Variants in AQR observed in about 807,000 individuals in gnomAD.
AQR encodes the protein RNA helicase aquarius.
AQR carries 61 observed loss-of-function variants against 180.5 expected under a neutral mutation model. The ratio of observed to expected loss-of-function variants is 0.34; its 90% CI spans 0.28 to 0.42. The LOEUF is 0.42. Among genes scored for constraint, AQR ranks in the 10% least tolerant of loss-of-function variants. AQR has a pLI of 1.00. For synonymous variants in AQR, 551 were observed against 588.8 expected (o/e 0.94, Z 0.93); for missense variants, 1,281 against 1,798.3 (o/e 0.71, Z 5.20).
At chr15:34,954,830 A>G (rs909984193) in intron 3 of AQR, among the ~76,000 whole-genome samples, 7 of 152,208 alleles carry the variant, frequency 4.6e-5, no homozygotes, top group East Asian at 1.9e-4. Flanking sequence ...AATTTTAAAG[A>G]TAAGTATGGA....
intron 12 of AQR, among the ~76,000 whole-genome samples, chr15:34,927,536 CA>C (rs1011067158): frequency 6.6e-6 from 1 of 152,124 alleles, no homozygotes; most frequent in African/African-American, 2.4e-5. Flanking sequence ...AAGGAGAGAC[CA>C]AAAAACTTAT....
rs754623254 is a variant in AQR, at chr15:34,927,083, G to A, written c.1070C>T (p.Ala357Val). 9 of 1,596,336 alleles carry A rather than the reference G, an allele frequency of 5.6e-6. No individual in the cohort carries two copies. The highest frequency in any genetic ancestry group is 7.7e-6 in the Non-Finnish European group (9 of 1,170,954). The change falls in exon 13 of 35, where the codon GCA (alanine) becomes GTA (valine). Residue 357 changes from alanine to valine, a missense_variant. Physicochemically the swap from Ala to Val is moderately conservative, Grantham distance 64. Around this residue, in one of 9 missense-constraint regions of AQR, gnomAD observed 404 missense variants for 490.9 expected, o/e 0.82. Coordinates refer to ENST00000156471, the MANE Select transcript of AQR (RefSeq NM_014691.3). ...ELYDFALSNV[A>V]EVDTRESLVK... Reference sequence around the variant, plus strand: ...CAAGGACTCCCGAGTATCTACTTCTGCCACATTTGAGAGGGCAAAATCATA... The same window carrying A: ...CAAGGACTCCCGAGTATCTACTTCTACCACATTTGAGAGGGCAAAATCATA...
chr15:34,872,358 C>T (rs1302275167), intron 30 of AQR, among the ~76,000 whole-genome samples: 2 of 152,036 alleles, frequency 1.3e-5, no homozygotes, highest in East Asian at 1.9e-4. Flanking sequence ...TTAATAGTGG[C>T]AAATCATCAT....
intron 29 of AQR, chr15:34,874,443 C>A (rs961641604): frequency 2.7e-5 from 13 of 481,604 alleles, no homozygotes; most frequent in Admixed American, 1.2e-4. Context: ...TGAAAAGAAG[C>A]CTTTAGATTA....
Position 34,906,608 on chromosome 15 carries a change from C to A in AQR, c.1768G>T (p.Val590Phe). The change falls in exon 18 of 35, where the codon GTT becomes TTT. Residue 590 changes from valine to phenylalanine, a missense_variant. This residue lies in a region of AQR where 200 missense variants were observed against 293.4 expected (regional missense o/e 0.68). Coordinates refer to ENST00000156471, the MANE Select transcript of AQR (RefSeq NM_014691.3). ...TGAATTTCACAGCCTCTGACATAAA[C>A]CAGGCCAACCTGCTCAATAAAAGGT... is the stretch of plus-strand genomic sequence containing the variant. Reference protein sequence around the residue: ...RRPFIEQVGLVYVRGCEIQGM... With the variant: ...RRPFIEQVGLFYVRGCEIQGM... 1 of 1,614,084 alleles carries A rather than the reference C, an allele frequency of 6.2e-7. No individual in the cohort carries two copies. Among genetic ancestry groups the A allele is most frequent in the Non-Finnish European group, 8.5e-7 (1 of 1,180,000 alleles).
chr15:34,871,765 G>A (rs561479085), intron 30 of AQR, among the ~76,000 whole-genome samples: 1 of 152,068 alleles, frequency 6.6e-6, no homozygotes, highest in Admixed American at 6.6e-5. Flanking sequence ...TAGGTGGGAT[G>A]AGGATGTGAC....
At chr15:34,931,261 C>G (rs1893855211) in intron 11 of AQR, among the ~76,000 whole-genome samples, 1 of 152,160 alleles carries the variant, frequency 6.6e-6, no homozygotes, top group African/African-American at 2.4e-5. Flanking sequence ...TCCCCTGTAG[C>G]AGCAGCATCA....
At chr15:34,969,408 G>C (rs2050331687) in intron 1 of AQR, 131 bp downstream of exon 1, 3 of 940,350 alleles carry the variant, frequency 3.2e-6, no homozygotes, top group Non-Finnish European at 5.0e-6. Flanking sequence ...TCAGTAAAAA[G>C]ACGTGTGTGA....
intron 30 of AQR, among the ~76,000 whole-genome samples, chr15:34,872,820 T>G (rs1330578702): frequency 6.6e-6 from 1 of 151,986 alleles, no homozygotes; most frequent in Non-Finnish European, 1.5e-5. Context: ...TATAACAACC[T>G]ATATTGGATA....
chr15:34,856,445 G>A lies in AQR; in HGVS notation c.*347C>T. 1 of 399,184 alleles carries A rather than the reference G, an allele frequency of 2.5e-6. No homozygotes were observed. Among genetic ancestry groups the A allele is most frequent in the Non-Finnish European group, 4.4e-6 (1 of 226,574 alleles). 24.7% of individuals were successfully genotyped at this position (399,184 alleles called of 1,614,324 possible). A position where few individuals can be genotyped will look rare whatever the true frequency, so the allele number is the denominator to read the frequency against. On this transcript the variant is annotated 3_prime_UTR_variant, in exon 35 of 35. Coordinates refer to ENST00000156471, the MANE Select transcript of AQR (RefSeq NM_014691.3). ...GACACTCAAGGGTATTCGTGGTTAA[G>A]TCCAGTATATTCTGTCCTCTTCTTT...
intron 27 of AQR, among the ~76,000 whole-genome samples, chr15:34,876,987 GTTCTT>G (rs1014198031): frequency 9.2e-5 from 14 of 151,614 alleles, no homozygotes; most frequent in African/African-American, 3.4e-4. Context: ...CTGAAGTACT[GTTCTT>G]TTGTCTTCCA....
chr15:34,918,518 A>C, intron 14 of AQR, 140 bp from the exon 15 acceptor site: 2 of 946,264 alleles, frequency 2.1e-6, no homozygotes, highest in Non-Finnish European at 3.0e-6. Flanking sequence ...TATTTTCTCC[A>C]TAGATCAAAG....
intron 23 of AQR, among the ~76,000 whole-genome samples, chr15:34,890,737 T>C (rs1249552283): frequency 6.6e-6 from 1 of 152,130 alleles, no homozygotes; most frequent in East Asian, 1.9e-4. Flanking sequence ...GTAGAATACA[T>C]TAAGAGGACC....
intron 23 of AQR, among the ~76,000 whole-genome samples, 192 bp downstream of exon 23, chr15:34,893,471 G>A (rs909229646): frequency 6.6e-6 from 1 of 152,084 alleles, no homozygotes; most frequent in African/African-American, 2.4e-5. Flanking sequence ...ATATATTAGG[G>A]AACAGGTAGG....
At chr15:34,901,868 G>A (rs774596800) in intron 19 of AQR, among the ~76,000 whole-genome samples, 27 of 152,196 alleles carry the variant, frequency 1.8e-4, no homozygotes, top group Non-Finnish European at 3.2e-4. Context: ...ATGGGTGAAT[G>A]AATGAATACC....
chr15:34,858,320 C>CAAAAAAAAAAAAAAAAAAAAAAA (rs57627687), intron 34 of AQR, among the ~76,000 whole-genome samples: 1 of 86,064 alleles, frequency 1.2e-5, no homozygotes, highest in Non-Finnish European at 2.3e-5. Context: ...ACGACAGCAG[C>CAAAAAAAAAAAAAAAAAAAAAAA]AAAAAAAAAA....
At chr15:34,968,419 AT>A (rs1160660984) in intron 1 of AQR, among the ~76,000 whole-genome samples, 1 of 150,646 alleles carries the variant, frequency 6.6e-6, no homozygotes, top group Admixed American at 6.6e-5. Context: ...TGCCCGGCTA[AT>A]TTTTTTTCTT....
At chr15:34,958,990 T>C (rs1894373709) in intron 3 of AQR, among the ~76,000 whole-genome samples, 1 of 31,722 alleles carries the variant, frequency 3.2e-5, no homozygotes, top group Admixed American at 2.9e-4. Context: ...GATATAGATA[T>C]AGATATAGAT....
chr15:34,896,979 G>A lies in AQR; in HGVS notation c.2391-13C>T. 1.2e-6 allele frequency: 2 copies of A among 1,603,220 alleles called. No individual in the cohort carries two copies. Among genetic ancestry groups the A allele is most frequent in the Non-Finnish European group, 1.7e-6 (2 of 1,170,666 alleles). ...CTGAATCGTATTACTGCAAATAAGAGTAAATAAAAAGTTGGTACAGATAAA... is the reference window on the plus strand; with the variant it reads ...CTGAATCGTATTACTGCAAATAAGAATAAATAAAAAGTTGGTACAGATAAA... On this transcript the variant is annotated splice_polypyrimidine_tract_variant and intron_variant, in intron 21 of 34. Transcript: ENST00000156471.
Sources: gnomAD v4.1 joint callset for allele counts (sites outside exome capture counted in the v4.1 genomes callset) on GRCh38, gnomAD v4.1.1 for gene constraint, gnomAD v4.1.1 regional missense constraint, MANE v1.5 for transcripts, NCBI Gene and HGNC (gene_info 2026-07-23, HGNC 2026-07-21) for gene names.